SGCD: variants seen among roughly 807,000 people sequenced by gnomAD.
SGCD encodes the protein delta-sarcoglycan.
Under a neutral mutation model 36.6 loss-of-function variants are expected in SGCD, and 18 were observed. That is an observed-to-expected ratio of 0.49 (90% confidence interval 0.34 to 0.73). The LOEUF (loss-of-function observed/expected upper bound fraction) is 0.73, where lower values mean the gene tolerates loss of function less well. SGCD is among the 30% of genes least tolerant of loss of function. SGCD has a pLI of 0.01. For missense variants in SGCD, 387 were observed against 346.7 expected (o/e 1.12, Z -0.92); for synonymous variants, 133 against 130.6 (o/e 1.02, Z -0.12).
At chr5:156,142,111 G>C (rs925852343) in intron 3 of SGCD, among the ~76,000 whole-genome samples, 2 of 152,160 alleles carry the variant, frequency 1.3e-5, no homozygotes, top group African/African-American at 4.8e-5. Context: ...TAGTGAGTGA[G>C]TTCCCATGAG....
At chr5:155,774,669 A>G in the SGCD span, among the ~76,000 whole-genome samples, 1 of 151,818 alleles carries the variant, frequency 6.6e-6, no homozygotes, top group Non-Finnish European at 1.5e-5. Context: ...GTACCACATC[A>G]CCTTCTCCTT....
chr5:156,016,822 G>T (rs1758990974), intron 1 of SGCD, among the ~76,000 whole-genome samples: 1 of 152,072 alleles, frequency 6.6e-6, no homozygotes, highest in African/African-American at 2.4e-5. Context: ...TAAGAGAATT[G>T]TCAATACTTT....
intron 1 of SGCD, among the ~76,000 whole-genome samples, chr5:155,967,832 A>C (rs933748282): frequency 6.6e-6 from 1 of 152,226 alleles, no homozygotes; most frequent in Non-Finnish European, 1.5e-5. Context: ...CTGGAACCAG[A>C]AGCCACAGAG....
intron 3 of SGCD, 85 bp from the exon 4 acceptor site, chr5:156,508,516 G>A: frequency 2.7e-6 from 2 of 734,760 alleles, no homozygotes; most frequent in South Asian, 1.7e-5. Context: ...AAAAAAAAAG[G>A]CTATAACTAC....
At chr5:156,193,624 C>T (rs999659838) in intron 3 of SGCD, among the ~76,000 whole-genome samples, 2 of 152,134 alleles carry the variant, frequency 1.3e-5, no homozygotes, top group South Asian at 2.1e-4. Context: ...CTAGCTTCCA[C>T]GTCTTGTTAC....
chr5:156,596,994 C>A (rs1760952684), intron 6 of SGCD, among the ~76,000 whole-genome samples: 1 of 152,128 alleles, frequency 6.6e-6, no homozygotes, highest in South Asian at 2.1e-4. Flanking sequence ...ATGGAAGTGA[C>A]CATCCTTATG....
chr5:156,329,707 T>A (rs1224999917), intron 2 of SGCD, 128 bp downstream of exon 2: 9 of 869,644 alleles, frequency 1.0e-5, no homozygotes, highest in African/African-American at 1.7e-5. Flanking sequence ...ATTTCTTTAA[T>A]TTTACTTTTT....
intron 6 of SGCD, among the ~76,000 whole-genome samples, chr5:156,629,875 T>G (rs1762569011): frequency 6.8e-6 from 1 of 147,756 alleles, no homozygotes; most frequent in Non-Finnish European, 1.5e-5. Flanking sequence ...TTTTTTTTTT[T>G]TTTTAGATGG....
At chr5:155,799,462 TG>T in the SGCD span, among the ~76,000 whole-genome samples, 1 of 151,990 alleles carries the variant, frequency 6.6e-6, no homozygotes, top group South Asian at 2.1e-4. Flanking sequence ...GTCATGATCT[TG>T]GCTCACTGCA....
At chr5:155,966,488 A>G (rs1367915726) in intron 1 of SGCD, among the ~76,000 whole-genome samples, 1 of 152,162 alleles carries the variant, frequency 6.6e-6, no homozygotes, top group Non-Finnish European at 1.5e-5. Context: ...GCAAAAGTCA[A>G]GTTGTTTTCA....
intron 4 of SGCD, among the ~76,000 whole-genome samples, chr5:156,513,395 C>G (rs963752677): frequency 2.0e-5 from 3 of 152,152 alleles, no homozygotes; most frequent in African/African-American, 7.2e-5. Flanking sequence ...GCTTACTGGT[C>G]GTTTTCTGAT....
chr5:156,608,946 A>ATG (rs1169416826), intron 6 of SGCD, among the ~76,000 whole-genome samples: 11 of 151,822 alleles, frequency 7.2e-5, no homozygotes, highest in African/African-American at 2.7e-4. Flanking sequence ...GTCTCTGCAC[A>ATG]TGAGATGGGT....
At chr5:156,360,944 A>G (rs2127730566) in intron 3 of SGCD, among the ~76,000 whole-genome samples, 1 of 152,238 alleles carries the variant, frequency 6.6e-6, no homozygotes, top group East Asian at 1.9e-4. Flanking sequence ...GTTTGCTCTC[A>G]CTGACAGAGG....
chr5:156,346,716 T>TAG lies in SGCD; in HGVS notation c.192+2042_192+2043dup, dbSNP rs377345882. Among the ~76,000 whole-genome samples, 133 of 152,332 alleles carry TAG rather than the reference T, an allele frequency of 8.7e-4. No individual in the cohort carries two copies. In the East Asian group the frequency reaches 0.024, roughly 27 times the overall value. On this transcript the variant is annotated intron_variant, in intron 3 of 8. Transcript: ENST00000337851. The stretch of plus-strand genomic sequence containing the variant: ...ATCCAAGGTAATAGTTCTAGAGTAT[T>TAG]AGAGCACATTAGCTTCCATTTCTGA...
chr5:156,598,822 C>T (rs2113404540), intron 6 of SGCD, among the ~76,000 whole-genome samples: 1 of 152,300 alleles, frequency 6.6e-6, no homozygotes, highest in African/African-American at 2.4e-5. Flanking sequence ...CTACCCCACC[C>T]CCACATTCAC....
rs988649992 is a variant in SGCD at position 156,033,151 on chromosome 5, C to T, written c.-281-84727C>T. On this transcript the variant is annotated intron_variant, in intron 1 of 9. Coordinates refer to the SGCD transcript ENST00000517913. ...AGAAGCTCAAATTTGTCTGTTTCTT[C>T]ATTCTGTGGTACTTGTTGAGATCCT... Among the ~76,000 whole-genome samples the T allele has an allele frequency of 2.0e-5, 3 of 151,954 alleles. No homozygotes were observed. The South Asian group carries it at 6.2e-4, about 32-fold the overall frequency.
At chr5:156,495,321 A>G (rs1452050435) in intron 3 of SGCD, among the ~76,000 whole-genome samples, 2 of 152,150 alleles carry the variant, frequency 1.3e-5, no homozygotes, top group Non-Finnish European at 2.9e-5. Flanking sequence ...TAACTTGAGG[A>G]GAGGGCCAAA....
At chr5:156,233,908 T>C (rs1256502059) in intron 3 of SGCD, among the ~76,000 whole-genome samples, 1 of 152,114 alleles carries the variant, frequency 6.6e-6, no homozygotes, top group African/African-American at 2.4e-5. Flanking sequence ...TGTTTTTGTT[T>C]TGTTTTTTTA....
At chr5:156,322,905 C>T (rs985452642), upstream of SGCD, among the ~76,000 whole-genome samples, 1 of 152,114 alleles carries the variant, frequency 6.6e-6, no homozygotes, top group African/African-American at 2.4e-5. Context: ...TTTAAAAGAT[C>T]CTGTAACTTA....
Sources: allele counts gnomAD v4.1 joint callset (sites outside exome capture counted in the v4.1 genomes callset), GRCh38; gene constraint gnomAD v4.1.1; transcripts MANE v1.5; gene names NCBI Gene and HGNC (gene_info 2026-07-23, HGNC 2026-07-21).